The following ECD variants were observed in gnomAD, a reference collection of about 807,000 sequenced individuals.
ECD encodes the protein ecdysoneless cell cycle regulator.
Under a neutral mutation model 77.2 loss-of-function variants are expected in ECD, and 59 were observed. That is an observed-to-expected ratio of 0.76 (90% CI 0.62 to 0.95). The LOEUF (loss-of-function observed/expected upper bound fraction) is 0.95, where lower values mean the gene tolerates loss of function less well. Among genes scored for constraint, ECD ranks in the 40% least tolerant of loss-of-function variants. ECD has a pLI of 0.00. For missense variants in ECD, 704 were observed against 763.4 expected (o/e 0.92, Z 0.92); for synonymous variants, 233 against 267.4 (o/e 0.87, Z 1.26).
chr10:73,145,923 G>A (rs537931238), intron 9 of ECD, among the ~76,000 whole-genome samples: 166 of 152,140 alleles, frequency 1.1e-3, no homozygotes, highest in Non-Finnish European at 2.0e-3. Context: ...GATTACAGGC[G>A]TGAGCCACCG....
chr10:73,141,753 T>C (rs554799430), intron 9 of ECD, among the ~76,000 whole-genome samples: 1 of 152,358 alleles, frequency 6.6e-6, no homozygotes, highest in African/African-American at 2.4e-5. Context: ...CGTTTACATA[T>C]TAATAATACA....
chr10:73,152,319 G>A lies in ECD; in HGVS notation c.886C>T (p.Arg296Ter), dbSNP rs1348459999. The A allele has an allele frequency of 5.0e-6, 8 of 1,613,476 alleles. No individual in the cohort carries two copies. The highest frequency in any genetic ancestry group is 1.3e-5 in the African/African-American group (1 of 74,872). Residue 296 changes from arginine to a stop codon, truncating the protein, a stop_gained, in exon 7 of 14, where the codon CGA becomes TGA. Coordinates refer to ENST00000372979, the MANE Select transcript of ECD (RefSeq NM_007265.3). LOFTEE classifies it high-confidence loss of function. ...RLPPPSDPQYRAHELGMKLAH... is the reference protein window; with the variant it reads ...RLPPPSDPQY ...AATTTCATGCCCAATTCATGGGCTCGGTACTGGGGATCAGATGGAGGAGGC... is the reference window on the plus strand; with the variant it reads ...AATTTCATGCCCAATTCATGGGCTCAGTACTGGGGATCAGATGGAGGAGGC...
chr10:73,150,276 C>G (rs7901172), intron 7 of ECD, among the ~76,000 whole-genome samples: 24,116 of 151,662 alleles, frequency 0.16, 3,092 homozygotes, highest in African/African-American at 0.33. Context: ...AATGGGGAAA[C>G]GATTCCCTAT....
chr10:73,141,416 G>A, intron 9 of ECD: 1 of 166,884 alleles, frequency 6.0e-6, no homozygotes, highest in Non-Finnish European at 1.3e-5. Context: ...GGAGGCTGAG[G>A]CAGATGAATG....
At chr10:73,150,462 G>A (rs1262309566) in intron 7 of ECD, among the ~76,000 whole-genome samples, 2 of 152,148 alleles carry the variant, frequency 1.3e-5, no homozygotes, top group African/African-American at 4.8e-5. Context: ...ACATAGGCAT[G>A]GGCAAGGACT....
chr10:73,135,509 A>G (rs957419153), intron 13 of ECD, among the ~76,000 whole-genome samples: 1 of 152,106 alleles, frequency 6.6e-6, no homozygotes, highest in African/African-American at 2.4e-5. Flanking sequence ...ACTTGAGGTC[A>G]GGAGCTCCAG....
At chr10:73,139,185 AAAAG>A in intron 11 of ECD, 120 bp downstream of exon 11, 1 of 978,748 alleles carries the variant, frequency 1.0e-6, no homozygotes, top group Non-Finnish European at 1.4e-6. Context: ...CTAGGCACAA[AAAAG>A]AAAGCAAGCA....
At chr10:73,138,702 G>A (rs1389867010) in intron 11 of ECD, among the ~76,000 whole-genome samples, 2 of 152,118 alleles carry the variant, frequency 1.3e-5, no homozygotes, top group Non-Finnish European at 2.9e-5. Flanking sequence ...AAGTAGCTGG[G>A]ATTATAGGCG....
At chr10:73,145,183 G>A (rs1843107322) in intron 9 of ECD, among the ~76,000 whole-genome samples, 1 of 152,064 alleles carries the variant, frequency 6.6e-6, no homozygotes, top group Non-Finnish European at 1.5e-5. Flanking sequence ...GGCCAACATG[G>A]TGAAACCCCA....
In ECD at chr10:73,138,026, A is replaced by C. The variant is rs202192150; in HGVS notation, c.1466T>G (p.Leu489Arg). 6.4e-5 allele frequency: 102 copies of C among 1,597,474 alleles called. No individual in the cohort carries two copies. The East Asian group carries it at 2.3e-3, about 35-fold the overall frequency. The part of the protein sequence containing the change: ...APITFDADSF[L>R]NYFDKILGPR... Reference sequence around the variant, plus strand: ...ACCTAAAATCTTATCAAAATAATTAAGAAAAGAATCTGCATCAAAAGTGAT... The same window carrying C: ...ACCTAAAATCTTATCAAAATAATTACGAAAAGAATCTGCATCAAAAGTGAT... The change falls in exon 12 of 14, where the codon CTT (leucine) becomes CGT (arginine). Residue 489 changes from leucine to arginine, a missense_variant. By Grantham distance (102) the Leu-to-Arg change is moderately radical. Transcript: ENST00000372979.
chr10:73,148,374 A>G lies in ECD; in HGVS notation c.943T>C (p.Cys315Arg), dbSNP rs1411713427. Residue 315 changes from cysteine to arginine, a missense_variant, in exon 8 of 14, where the codon TGT (cysteine) becomes CGT (arginine). Physicochemically the swap from Cys to Arg is radical, Grantham distance 180. Around this residue, in one of 3 missense-constraint regions of ECD, gnomAD observed 559 missense variants for 583.7 expected, o/e 0.96. Transcript: ENST00000372979. Reference sequence around the variant, plus strand: ...TTGCAGTCAGAAAAATGTGGGCTACATTTGGAGCATAAGATCTCAAATCCA... The same window carrying G: ...TTGCAGTCAGAAAAATGTGGGCTACGTTTGGAGCATAAGATCTCAAATCCA... ...AHGFEILCSKCSPHFSDCKKS... is the reference protein window; with the variant it reads ...AHGFEILCSKRSPHFSDCKKS... 6.2e-7 allele frequency: 1 copy of G among 1,613,948 alleles called. No homozygotes were observed. Among genetic ancestry groups the G allele is most frequent in the Non-Finnish European group, 8.5e-7 (1 of 1,179,874 alleles).
chr10:73,147,290 G>A (rs1277036263), intron 8 of ECD, among the ~76,000 whole-genome samples: 7 of 152,088 alleles, frequency 4.6e-5, no homozygotes, highest in South Asian at 2.1e-4. Flanking sequence ...GCTCACGCCT[G>A]TAATCCCAGC....
chr10:73,136,972 T>TATTATC (rs1842981787), intron 12 of ECD, 54 bp from the exon 13 acceptor site: 2 of 942,486 alleles, frequency 2.1e-6, no homozygotes, highest in Admixed American at 8.9e-5. Context: ...TTATTATTAT[T>TATTATC]ATTATTATTA....
chr10:73,164,285 G>A (rs767119505), intron 1 of ECD, among the ~76,000 whole-genome samples: 7 of 151,446 alleles, frequency 4.6e-5, no homozygotes, highest in Middle Eastern at 3.2e-3. Flanking sequence ...CTAGGAGGCA[G>A]AGGTTGCAAT....
In ECD at chr10:73,153,593, G is replaced by A. The variant is rs140172054; in HGVS notation, c.783+663C>T. 2.0e-3 allele frequency among the ~76,000 whole-genome samples: 309 copies of A among 151,374 alleles called. 1 individual carries two copies. The highest frequency in any genetic ancestry group is 2.6e-3 in the Non-Finnish European group (173 of 67,746). On this transcript the variant is annotated intron_variant, in intron 6 of 13. Transcript: ENST00000372979. ...CTAAAAATAAAAAAATCAGCTGGGCGTGTTGGGAGGTGACTGTAATCCCAG... is the reference window on the plus strand; with the variant it reads ...CTAAAAATAAAAAAATCAGCTGGGCATGTTGGGAGGTGACTGTAATCCCAG...
Position 73,156,604 on chromosome 10 carries a change from G to A in ECD, c.375C>T (p.Leu125=). 3 of 1,614,032 alleles carry A rather than the reference G, an allele frequency of 1.9e-6. No individual in the cohort carries two copies. The highest frequency in any genetic ancestry group is 1.1e-5 in the South Asian group (1 of 91,074). Residue 125 remains leucine, a synonymous_variant, in exon 4 of 14, where the codon CTC becomes CTT. Coordinates refer to ENST00000372979, the MANE Select transcript of ECD (RefSeq NM_007265.3). ...TATTTTCAGGATCCAGCCATTTAGG[G>A]AGAAAGTCAGCAGCTTCTATTAACA... ...EFLLIEAADF[L]PKWLDPENST...
chr10:73,142,756 A>T (rs1427507856), intron 9 of ECD, among the ~76,000 whole-genome samples: 1 of 151,590 alleles, frequency 6.6e-6, no homozygotes, highest in African/African-American at 2.4e-5. Context: ...ATACTTCGGC[A>T]CTTTTCTCTC....
intron 9 of ECD, among the ~76,000 whole-genome samples, chr10:73,145,659 T>TTTC (rs1359856416): frequency 1.5e-5 from 2 of 131,804 alleles, no homozygotes; most frequent in Non-Finnish European, 3.1e-5. Flanking sequence ...TTGTGCAGCT[T>TTTC]TTTTTTTTTT....
In ECD at chr10:73,146,293, T is replaced by G. The variant is rs746172791; in HGVS notation, c.1110A>C (p.Ser370=). ...TAACTCACCTTTCTGGCCAGTCTAC[T>G]GAGAGCTGGAAGTAATTCTCTGCCA... is the stretch of plus-strand genomic sequence containing the variant. ...LEMAENYFQL[S]VDWPESSLAM... is the part of the protein sequence containing the mutation. Residue 370 remains serine (S), a synonymous_variant, in exon 9 of 14, where the codon TCA becomes TCC. Coordinates refer to ENST00000372979, the MANE Select transcript of ECD (RefSeq NM_007265.3). 1.9e-6 allele frequency: 3 copies of G among 1,608,444 alleles called. No individual in the cohort carries two copies. Among genetic ancestry groups the G allele is most frequent in the South Asian group, 1.1e-5 (1 of 90,550 alleles).
Sources: gnomAD v4.1 joint callset for allele counts (sites outside exome capture counted in the v4.1 genomes callset) on GRCh38, gnomAD v4.1.1 for gene constraint, gnomAD v4.1.1 regional missense constraint, MANE v1.5 for transcripts, NCBI Gene and HGNC (gene_info 2026-07-23, HGNC 2026-07-21) for gene names.